CYP19A1: variants seen among roughly 807,000 people sequenced by gnomAD.
CYP19A1 encodes the protein aromatase.
A neutral mutation model predicts 44.4 loss-of-function variants in CYP19A1; 32 were observed. The observed-to-expected ratio is 0.72, with a 90% CI of 0.54 to 0.97. The LOEUF (loss-of-function observed/expected upper bound fraction) is 0.97. Among genes scored for constraint, CYP19A1 ranks in the 50% least tolerant of loss-of-function variants. The pLI is 0.00. For missense variants in CYP19A1, 598 were observed against 637.8 expected, an observed-to-expected ratio of 0.94 and a Z score of 0.67; for synonymous variants, 212 against 215.6, an observed-to-expected ratio of 0.98 and a Z score of 0.14.
At chr15:51,223,593 T>TCTCACACACACACA (rs1356666512) in intron 4 of CYP19A1, among the ~76,000 whole-genome samples, 1,116 of 90,156 alleles carry the variant, frequency 0.012, 20 homozygotes, top group East Asian at 0.035. Flanking sequence ...TCTCTCTCTC[T>TCTCACACACACACA]CACACACACA....
chr15:51,283,324 G>A (rs984915215), intron 1 of CYP19A1, among the ~76,000 whole-genome samples: 5 of 152,166 alleles, frequency 3.3e-5, no homozygotes, highest in Non-Finnish European at 7.3e-5. Flanking sequence ...TGAATTAGCT[G>A]AAAAACACCA....
At chr15:51,320,432 A>T (rs1362101284) in intron 1 of CYP19A1, 2 of 152,422 alleles carry the variant, frequency 1.3e-5, no homozygotes, top group Non-Finnish European at 2.9e-5. Flanking sequence ...TATCTGGCTG[A>T]GGCAAGGACT....
At chr15:51,233,556 G>A (rs2033183273) in intron 3 of CYP19A1, among the ~76,000 whole-genome samples, 1 of 152,168 alleles carries the variant, frequency 6.6e-6, no homozygotes, top group Non-Finnish European at 1.5e-5. Context: ...TCAGTGCTTA[G>A]TATATAATAA....
At position 51,210,984 on chromosome 15, in the gene CYP19A1, T is replaced by A; in HGVS notation, c.1336A>T (p.Met446Leu). ...GCAGKYIAMV[M>L]MKAILVTLLR... ...AGTGTAACGAGGATGGCTTTCATCA[T>A]CACCATGGCGATGTACTTTCCTGCA... The change falls in exon 10 of 10, where the codon ATG (methionine) becomes TTG (leucine). Residue 446 changes from methionine to leucine, a missense_variant. Transcript: ENST00000396402. 1.2e-6 allele frequency: 2 copies of A among 1,600,470 alleles called. No individual in the cohort carries two copies. The highest frequency in any genetic ancestry group is 2.2e-5 in the East Asian group (1 of 44,816).
chr15:51,276,799 C>A (rs960845777), intron 1 of CYP19A1, among the ~76,000 whole-genome samples: 1 of 152,198 alleles, frequency 6.6e-6, no homozygotes, highest in Non-Finnish European at 1.5e-5. Context: ...AAGTCATAAG[C>A]AGCTTTTAAA....
At chr15:51,239,516 A>G (rs554905197) in intron 2 of CYP19A1, among the ~76,000 whole-genome samples, 11 of 152,364 alleles carry the variant, frequency 7.2e-5, no homozygotes, top group African/African-American at 2.4e-4. Flanking sequence ...GAAACATACT[A>G]TTGAGCAAAA....
chr15:51,276,307 C>G (rs933177565), intron 1 of CYP19A1, among the ~76,000 whole-genome samples: 3 of 152,142 alleles, frequency 2.0e-5, no homozygotes, highest in African/African-American at 4.8e-5. Flanking sequence ...GCTCTACAGG[C>G]CCACTGACCC....
At chr15:51,284,697 A>C (rs1167109310) in intron 1 of CYP19A1, among the ~76,000 whole-genome samples, 1 of 152,260 alleles carries the variant, frequency 6.6e-6, no homozygotes, top group Non-Finnish European at 1.5e-5. Context: ...ATCAACCCAT[A>C]ACTGCAGTGA....
intron 1 of CYP19A1, among the ~76,000 whole-genome samples, chr15:51,330,531 T>C (rs2036683738): frequency 6.6e-6 from 1 of 152,178 alleles, no homozygotes; most frequent in Non-Finnish European, 1.5e-5. Flanking sequence ...CACTGGTACT[T>C]GGCCCTTTGA....
chr15:51,291,447 T>A (rs569993835), intron 1 of CYP19A1, among the ~76,000 whole-genome samples: 2 of 152,238 alleles, frequency 1.3e-5, no homozygotes, highest in South Asian at 2.1e-4. Flanking sequence ...GAGACCAGCA[T>A]TTGACAAGTG....
intron 1 of CYP19A1, among the ~76,000 whole-genome samples, chr15:51,311,626 G>A (rs753248594): frequency 9.9e-5 from 15 of 152,152 alleles, no homozygotes; most frequent in Non-Finnish European, 1.9e-4. Context: ...CAAGTAGCTC[G>A]TTAAACCTCT....
chr15:51,275,144 G>A (rs2035261726), intron 1 of CYP19A1, among the ~76,000 whole-genome samples: 1 of 152,204 alleles, frequency 6.6e-6, no homozygotes, highest in African/African-American at 2.4e-5. Flanking sequence ...TCTCAGAACT[G>A]TTCACACAGA....
intron 1 of CYP19A1, among the ~76,000 whole-genome samples, chr15:51,335,854 TCCCTG>T (rs1252781781): frequency 7.9e-5 from 12 of 152,222 alleles, no homozygotes. Flanking sequence ...CAGAGTCTGG[TCCCTG>T]CCTTGGTTAC....
At chr15:51,261,914 T>C (rs901808165) in intron 1 of CYP19A1, among the ~76,000 whole-genome samples, 1 of 152,172 alleles carries the variant, frequency 6.6e-6, no homozygotes, top group African/African-American at 2.4e-5. Context: ...AATTGTTATT[T>C]CATCTCTGAA....
intron 1 of CYP19A1, among the ~76,000 whole-genome samples, chr15:51,318,148 A>T (rs1393316053): frequency 6.6e-6 from 1 of 152,090 alleles, no homozygotes; most frequent in East Asian, 1.9e-4. Flanking sequence ...GTAAGTACCA[A>T]TGTGTCTAGC....
intron 1 of CYP19A1, among the ~76,000 whole-genome samples, chr15:51,281,586 AG>A (rs1365475057): frequency 1.3e-5 from 2 of 152,180 alleles, no homozygotes; most frequent in Non-Finnish European, 2.9e-5. Flanking sequence ...TCTTCAGCTG[AG>A]CCCTAGGGCA....
intron 1 of CYP19A1, among the ~76,000 whole-genome samples, chr15:51,294,584 G>A (rs1326887563): frequency 1.3e-5 from 2 of 149,020 alleles, no homozygotes; most frequent in African/African-American, 5.0e-5. Flanking sequence ...AGGGAGGTGG[G>A]GGGATCAGCC....
chr15:51,302,719 G>A (rs574192754), intron 1 of CYP19A1, among the ~76,000 whole-genome samples: 5 of 152,176 alleles, frequency 3.3e-5, no homozygotes, highest in East Asian at 3.9e-4. Flanking sequence ...GCCATCTTTC[G>A]AGGTCCAGCT....
intron 1 of CYP19A1, among the ~76,000 whole-genome samples, chr15:51,268,530 C>G (rs199666678): frequency 8.0e-6 from 1 of 125,728 alleles, no homozygotes; most frequent in Admixed American, 8.0e-5. Flanking sequence ...CCCCCCCCCC[C>G]TTTTTTTTTG....
Sources: allele counts gnomAD v4.1 joint callset (sites outside exome capture counted in the v4.1 genomes callset), GRCh38; gene constraint gnomAD v4.1.1; transcripts MANE v1.5; gene names NCBI Gene and HGNC (gene_info 2026-07-23, HGNC 2026-07-21).